Variants in ANTXR1 observed in about 807,000 individuals in gnomAD.
The protein encoded by ANTXR1 is ANTXR cell adhesion molecule 1.
ANTXR1 carries 19 observed loss-of-function variants against 78.1 expected under a neutral mutation model. The observed-to-expected ratio is 0.24, with a 90% CI of 0.17 to 0.36. ANTXR1 has a LOEUF of 0.36. ANTXR1 is among the 10% of genes least tolerant of loss of function. ANTXR1 has a pLI of 1.00. For synonymous variants in ANTXR1, 273 were observed against 260.5 expected, an observed-to-expected ratio of 1.05 and a Z score of -0.46; for missense variants, 518 against 718.6, an observed-to-expected ratio of 0.72 and a Z score of 3.19.
intron 12 of ANTXR1, among the ~76,000 whole-genome samples, chr2:69,144,553 G>C (rs1193123344): frequency 6.6e-6 from 1 of 152,176 alleles, no homozygotes; most frequent in Non-Finnish European, 1.5e-5. Flanking sequence ...TGCATCCCCA[G>C]GTGCCCCGTG....
At chr2:69,165,171 A>T (rs1181705110) in intron 13 of ANTXR1, among the ~76,000 whole-genome samples, 1 of 152,248 alleles carries the variant, frequency 6.6e-6, no homozygotes, top group Non-Finnish European at 1.5e-5. Flanking sequence ...GTTTGAAACC[A>T]CTGAGCTAAT....
chr2:69,245,342 G>T lies in ANTXR1; in HGVS notation c.1552G>T (p.Ala518Ser). The T allele has an allele frequency of 9.6e-6, 14 of 1,463,314 alleles. No individual in the cohort carries two copies. Among genetic ancestry groups the T allele is most frequent in the Non-Finnish European group, 1.3e-5 (14 of 1,110,814 alleles). 90.6% of individuals were successfully genotyped at this position (1,463,314 alleles called of 1,614,324 possible). A position where few individuals can be genotyped will look rare whatever the true frequency, so the allele number is the denominator to read the frequency against. ...CCCCATCTACACTCCCCCACCTCCTGCGCCCCACTGCCCTCCCCCGCCCCC... is the reference window on the plus strand; with the variant it reads ...CCCCATCTACACTCCCCCACCTCCTTCGCCCCACTGCCCTCCCCCGCCCCC... ...PAPIYTPPPP[A>S]PHCPPPPPSA... The change falls in exon 18 of 18, where the codon GCG (alanine) becomes TCG (serine). Residue 518 changes from alanine to serine, a missense_variant. By Grantham distance (99) the Ala-to-Ser change is moderately conservative. Transcript: ENST00000303714.
At chr2:69,181,943 C>A in intron 15 of ANTXR1, 62 bp downstream of exon 15, 1 of 1,524,712 alleles carries the variant, frequency 6.6e-7, no homozygotes, top group South Asian at 1.1e-5. Flanking sequence ...AGGTACCAGC[C>A]GGGCCTGACC....
chr2:69,207,848 G>A (rs1055728633), intron 17 of ANTXR1, among the ~76,000 whole-genome samples: 5 of 152,178 alleles, frequency 3.3e-5, no homozygotes, highest in Admixed American at 1.3e-4. Flanking sequence ...TTTATTGAGC[G>A]ACGGAACAGA....
intron 13 of ANTXR1, among the ~76,000 whole-genome samples, chr2:69,167,490 T>C (rs1481744746): frequency 6.6e-6 from 1 of 152,208 alleles, no homozygotes; most frequent in Non-Finnish European, 1.5e-5. Context: ...GTGCTGGTCT[T>C]GGCACAAGGA....
intron 10 of ANTXR1, among the ~76,000 whole-genome samples, chr2:69,118,917 G>C (rs1466410230): frequency 6.6e-6 from 1 of 152,128 alleles, no homozygotes; most frequent in Admixed American, 6.5e-5. Context: ...AATCCTCTCG[G>C]AGCAGAAAAT....
intron 10 of ANTXR1, among the ~76,000 whole-genome samples, chr2:69,116,768 T>C (rs532998883): frequency 2.0e-5 from 3 of 152,356 alleles, no homozygotes; most frequent in African/African-American, 7.2e-5. Context: ...TATTTTTCTC[T>C]TCCTATTTGC....
chr2:69,190,955 C>T (rs1674531240), intron 16 of ANTXR1, among the ~76,000 whole-genome samples: 1 of 152,134 alleles, frequency 6.6e-6, no homozygotes, highest in Non-Finnish European at 1.5e-5. Flanking sequence ...TGTGGGTGGG[C>T]TGATTTACAA....
At chr2:69,016,219 C>T (rs569820475) in intron 1 of ANTXR1, among the ~76,000 whole-genome samples, 38 of 152,196 alleles carry the variant, frequency 2.5e-4, no homozygotes, top group African/African-American at 8.4e-4. Flanking sequence ...GTAGTTAGTG[C>T]GATTGAGGAA....
chr2:69,212,806 C>T (rs72903127), intron 17 of ANTXR1, among the ~76,000 whole-genome samples: 1 of 151,774 alleles, frequency 6.6e-6, no homozygotes, highest in Non-Finnish European at 1.5e-5. Flanking sequence ...TGCATGCCAC[C>T]AAGCCTAGCT....
At chr2:69,120,245 T>A (rs1206424192) in intron 10 of ANTXR1, among the ~76,000 whole-genome samples, 5 of 152,254 alleles carry the variant, frequency 3.3e-5, no homozygotes, top group Admixed American at 6.5e-5. Flanking sequence ...AATAGTTGTA[T>A]GGGTACTCAC....
At chr2:69,218,523 T>C (rs1675235125) in intron 17 of ANTXR1, among the ~76,000 whole-genome samples, 1 of 152,102 alleles carries the variant, frequency 6.6e-6, no homozygotes, top group South Asian at 2.1e-4. Context: ...CACTGGAAAA[T>C]ACACTGGACA....
In ANTXR1 at chr2:69,128,515, G is replaced by A. The variant is rs147495962; in HGVS notation, c.951+3872G>A. On this transcript the variant is annotated intron_variant, in intron 12 of 17. Coordinates refer to ENST00000303714, the MANE Select transcript of ANTXR1 (RefSeq NM_032208.3). Reference sequence around the variant, plus strand: ...GGCTCCTCTGAGACAACATGTATCCGGGGGTACATGTTTATCACTAGACCA... The same window carrying A: ...GGCTCCTCTGAGACAACATGTATCCAGGGGTACATGTTTATCACTAGACCA... 8.1e-3 allele frequency among the ~76,000 whole-genome samples: 1,229 copies of A among 152,164 alleles called. 12 individuals carry two copies. The highest frequency in any genetic ancestry group is 0.011 in the Non-Finnish European group (753 of 68,014).
At chr2:69,146,346 A>G in intron 12 of ANTXR1, 2 of 985,410 alleles carry the variant, frequency 2.0e-6, no homozygotes, top group Non-Finnish European at 2.4e-6. Context: ...ATTAAAGGCC[A>G]TGTTGATTGA....
rs529412263 is a variant in ANTXR1 at position 69,135,462 on chromosome 2, T to C, written c.951+10819T>C. Among the ~76,000 whole-genome samples the C allele has an allele frequency of 7.9e-5, 12 of 152,256 alleles. No homozygotes were observed. In the East Asian group the frequency reaches 1.5e-3, roughly 20 times the overall value. On this transcript the variant is annotated intron_variant, in intron 12 of 17. Transcript: ENST00000303714. The stretch of plus-strand genomic sequence containing the variant: ...AACTCAGATTGACAGATTGTGTTTT[T>C]AAAATATCCAGCTATGTGTGATTTA...
intron 6 of ANTXR1, among the ~76,000 whole-genome samples, chr2:69,075,296 T>C (rs1354264286): frequency 6.6e-6 from 1 of 152,204 alleles, no homozygotes; most frequent in Non-Finnish European, 1.5e-5. Flanking sequence ...AAGGTAATCA[T>C]TTCCCCAGAA....
chr2:69,103,593 T>C (rs921353766), intron 10 of ANTXR1: 1 of 158,046 alleles, frequency 6.3e-6, no homozygotes, highest in African/African-American at 2.4e-5. Flanking sequence ...TATCATAACA[T>C]TGGCTTCTTC....
chr2:69,095,997 G>A (rs985749026), intron 9 of ANTXR1, among the ~76,000 whole-genome samples: 6 of 151,972 alleles, frequency 3.9e-5, no homozygotes, highest in Admixed American at 1.3e-4. Context: ...GGTGGCTCAC[G>A]CCTGTAATCC....
intron 17 of ANTXR1, among the ~76,000 whole-genome samples, chr2:69,240,018 A>G (rs1264900407): frequency 6.6e-6 from 1 of 152,234 alleles, no homozygotes; most frequent in Non-Finnish European, 1.5e-5. Context: ...AGGGAAGTAC[A>G]TAGGATTCTT....
Sources: allele counts gnomAD v4.1 joint callset (sites outside exome capture counted in the v4.1 genomes callset), GRCh38; gene constraint gnomAD v4.1.1; transcripts MANE v1.5; gene names NCBI Gene and HGNC (gene_info 2026-07-23, HGNC 2026-07-21).